The following KIF4A variants were observed in gnomAD, a reference collection of about 807,000 sequenced individuals.
The protein encoded by KIF4A is kinesin family member 4A, also known as chromosome-associated kinesin KIF4A.
KIF4A carries 7 observed loss-of-function variants against 105.9 expected under a neutral mutation model. The observed-to-expected ratio is 0.07, with a 90% CI of 0.04 to 0.12. KIF4A has a LOEUF of 0.12. Ranked by LOEUF, KIF4A falls within the 10% of genes least tolerant of loss-of-function variation. The pLI, the probability that KIF4A is intolerant of heterozygous loss-of-function variation, is 1.00. For synonymous variants in KIF4A, 281 were observed against 331.3 expected (o/e 0.85, Z 1.65); for missense variants, 558 against 929.2 (o/e 0.60, Z 5.19).
intron 28 of KIF4A, among the ~76,000 whole-genome samples, chrX:70,407,348 C>A (rs1002257933): frequency 8.9e-6 from 1 of 111,868 alleles, no homozygotes; most frequent in Non-Finnish European, 1.9e-5. Context: ...CTCAAGCAAT[C>A]TGCCTGCCTC....
chrX:70,397,251 TC>T (rs1183724544), intron 22 of KIF4A, among the ~76,000 whole-genome samples: 1 of 110,376 alleles, frequency 9.1e-6, no homozygotes. Flanking sequence ...GCGCCTGTAG[TC>T]CCAGCTACTC....
intron 3 of KIF4A, among the ~76,000 whole-genome samples, chrX:70,292,845 T>C (rs2085766471): frequency 8.9e-6 from 1 of 112,017 alleles, no homozygotes; most frequent in Admixed American, 9.5e-5. Context: ...TAGAATTAAA[T>C]TATGTTCTTT....
In KIF4A at chrX:70,323,409, C is replaced by T. The variant is rs139270384; in HGVS notation, c.779-5996C>T. ...TTTGAATCCCTAGGCCCCAGCATAG[C>T]ACCTGACATGCCATAGGTCCTCACT... On this transcript the variant is annotated intron_variant, in intron 7 of 30. Transcript: ENST00000374403. Among the ~76,000 whole-genome samples the T allele has an allele frequency of 5.0e-3, 558 of 111,395 alleles. 25 individuals are homozygous for T. The East Asian group carries it at 0.092, about 18-fold the overall frequency.
At chrX:70,362,034 G>C in intron 15 of KIF4A, 1 of 163,770 alleles carries the variant, frequency 6.1e-6, no homozygotes, top group South Asian at 1.1e-4. Flanking sequence ...GCCATGTTTT[G>C]TAAAATAGTG....
intron 18 of KIF4A, among the ~76,000 whole-genome samples, chrX:70,376,924 A>G (rs980905185): frequency 9.0e-6 from 1 of 111,553 alleles, no homozygotes; most frequent in Non-Finnish European, 1.9e-5. Flanking sequence ...ACACAAGAAG[A>G]TATTGTATAA....
In KIF4A at chrX:70,342,048, A is replaced by G. The variant is rs374600652; in HGVS notation, c.1266+117A>G. On this transcript the variant is annotated intron_variant, in intron 11 of 30. Transcript: ENST00000374403. ...GTTATATTGAAAGAAATGTATTTGT[A>G]TTACCATATCCTCCAGGGAGCCCCT... The G allele has an allele frequency of 3.1e-6, 3 of 971,432 alleles. No individual in the cohort carries two copies. The East Asian group carries it at 9.4e-5, about 31-fold the overall frequency. The allele number at this position is 971,432 out of a possible 1,213,427, so 80.1% of individuals were successfully genotyped here. A position where few individuals can be genotyped will look rare whatever the true frequency, so the allele number is the denominator to read the frequency against.
chrX:70,339,985 T>C (rs2085966120), intron 10 of KIF4A, among the ~76,000 whole-genome samples: 1 of 111,912 alleles, frequency 8.9e-6, no homozygotes, highest in Admixed American at 9.5e-5. Context: ...AAGAACTCTT[T>C]TTTTTCCTTA....
At chrX:70,354,242 A>G (rs2086042645) in intron 15 of KIF4A, among the ~76,000 whole-genome samples, 1 of 112,812 alleles carries the variant, frequency 8.9e-6, no homozygotes, top group Admixed American at 9.3e-5. Context: ...TTGCCAATTA[A>G]TAGTCAGGTC....
At chrX:70,419,825 G>A (rs1002818344) in intron 30 of KIF4A, 42 bp downstream of exon 30, 7 of 1,202,689 alleles carry the variant, frequency 5.8e-6, no homozygotes, top group African/African-American at 1.8e-5. Flanking sequence ...CTGGATTAGC[G>A]TCCTTCTCTG....
chrX:70,317,881 CTT>C (rs113324526), intron 7 of KIF4A, among the ~76,000 whole-genome samples: 105 of 79,330 alleles, frequency 1.3e-3, no homozygotes, highest in South Asian at 1.4e-3. Flanking sequence ...TTCTTTCTTT[CTT>C]TTTTTTTTTT....
chrX:70,363,426 G>C (rs1259817062), intron 15 of KIF4A, among the ~76,000 whole-genome samples: 1 of 110,230 alleles, frequency 9.1e-6, no homozygotes, highest in Non-Finnish European at 1.9e-5. Flanking sequence ...CCCGGTGTGT[G>C]ATGTTCCCCT....
At chrX:70,370,252 A>G (rs184052310) in intron 15 of KIF4A, among the ~76,000 whole-genome samples, 9 of 110,863 alleles carry the variant, frequency 8.1e-5, no homozygotes, top group African/African-American at 2.9e-4. Context: ...GATATGTAAT[A>G]TTTGACTATG....
intron 28 of KIF4A, among the ~76,000 whole-genome samples, chrX:70,412,711 C>G (rs764146000): frequency 9.0e-6 from 1 of 111,296 alleles, no homozygotes; most frequent in Admixed American, 9.6e-5. Flanking sequence ...TTACTTGAGC[C>G]TAGTAGTTTG....
intron 15 of KIF4A, among the ~76,000 whole-genome samples, chrX:70,365,873 T>C (rs1312792102): frequency 8.9e-6 from 1 of 111,815 alleles, no homozygotes; most frequent in Non-Finnish European, 1.9e-5. Flanking sequence ...CATCTGGTCC[T>C]GGACTTTTTT....
At chrX:70,307,911 G>T (rs1361088147) in intron 7 of KIF4A, among the ~76,000 whole-genome samples, 1 of 111,597 alleles carries the variant, frequency 9.0e-6, no homozygotes, top group Non-Finnish European at 1.9e-5. Flanking sequence ...TTACTTAAAT[G>T]CCTTGAACCT....
chrX:70,407,690 T>C (rs767026926), intron 28 of KIF4A, among the ~76,000 whole-genome samples: 1 of 112,311 alleles, frequency 8.9e-6, no homozygotes, highest in South Asian at 3.7e-4. Context: ...CCCAAAATGA[T>C]CATAACAATT....
intron 15 of KIF4A, among the ~76,000 whole-genome samples, chrX:70,355,327 C>T (rs1416002039): frequency 9.0e-6 from 1 of 111,560 alleles, no homozygotes; most frequent in Non-Finnish European, 1.9e-5. Flanking sequence ...TGTTTTCTAC[C>T]TGTTCTTGGT....
chrX:70,393,911 G>C (rs1398977164), intron 20 of KIF4A, among the ~76,000 whole-genome samples: 1 of 91,660 alleles, frequency 1.1e-5, no homozygotes, highest in Non-Finnish European at 2.1e-5. Context: ...TGTTGCCCAG[G>C]CTGAAGTGCA....
rs370009137 is a variant in KIF4A, at chrX:70,351,958, A to G, written c.1432-642A>G. Reference sequence around the variant, plus strand: ...GTATTTTTAGTAGAGACGGGGTTTCATCATGTTGGCCAGGCTGATCTCGAA... The same window carrying G: ...GTATTTTTAGTAGAGACGGGGTTTCGTCATGTTGGCCAGGCTGATCTCGAA... On this transcript the variant is annotated intron_variant, in intron 13 of 30. Transcript: ENST00000374403. 3.8e-3 allele frequency among the ~76,000 whole-genome samples: 423 copies of G among 110,502 alleles called. 2 individuals carry two copies. The highest frequency in any genetic ancestry group is 0.013 in the African/African-American group (396 of 30,363).
Sources: gnomAD v4.1 joint callset for allele counts (sites outside exome capture counted in the v4.1 genomes callset) on GRCh38, gnomAD v4.1.1 for gene constraint, MANE v1.5 for transcripts, NCBI Gene and HGNC (gene_info 2026-07-23, HGNC 2026-07-21) for gene names.